Variants in SAMD12 observed in about 807,000 individuals in gnomAD.
SAMD12 encodes the protein sterile alpha motif domain containing 12.
SAMD12 carries 9 observed loss-of-function variants against 15.0 expected under a neutral mutation model. That is an observed-to-expected ratio of 0.60 (90% CI 0.36 to 1.05). SAMD12 has a LOEUF of 1.05. Among genes scored for constraint, SAMD12 ranks in the 50% least tolerant of loss-of-function variants. The pLI is 0.01. For missense variants in SAMD12, 230 were observed against 234.2 expected (o/e 0.98, Z 0.12); for synonymous variants, 86 against 90.1 (o/e 0.96, Z 0.25).
At chr8:118,568,648 A>G (rs970719520) in intron 2 of SAMD12, among the ~76,000 whole-genome samples, 1 of 152,202 alleles carries the variant, frequency 6.6e-6, no homozygotes, top group African/African-American at 2.4e-5. Flanking sequence ...CAAAGCTTTA[A>G]TTTATGGGAC....
chr8:118,316,094 T>C, intron 4 of SAMD12, among the ~76,000 whole-genome samples: 1 of 152,098 alleles, frequency 6.6e-6, no homozygotes, highest in African/African-American at 2.4e-5. Flanking sequence ...TCACATGCTG[T>C]TCGAAGGAAA....
At chr8:118,548,414 CACACA>C (rs765915802) in intron 2 of SAMD12, among the ~76,000 whole-genome samples, 18 of 148,330 alleles carry the variant, frequency 1.2e-4, no homozygotes, top group African/African-American at 4.4e-4. Flanking sequence ...CACACACACA[CACACA>C]CACACCCCAT....
intron 4 of SAMD12, among the ~76,000 whole-genome samples, chr8:118,237,302 GT>G (rs17455036): frequency 0.1 from 15,879 of 152,144 alleles, 1,151 homozygotes; most frequent in African/African-American, 0.19. Context: ...TTACCAAATT[GT>G]TGGGATACAC....
chr8:118,474,030 G>T (rs1823886841), intron 2 of SAMD12, among the ~76,000 whole-genome samples: 1 of 152,122 alleles, frequency 6.6e-6, no homozygotes, highest in Non-Finnish European at 1.5e-5. Context: ...GTGATCCTGG[G>T]TCACTGCAAC....
At chr8:118,515,735 A>G (rs977098287) in intron 2 of SAMD12, among the ~76,000 whole-genome samples, 11 of 152,180 alleles carry the variant, frequency 7.2e-5, no homozygotes, top group Non-Finnish European at 1.6e-4. Context: ...ATTCTGGTAT[A>G]TGAAACCTCC....
intron 4 of SAMD12, among the ~76,000 whole-genome samples, chr8:118,241,676 T>G (rs28370845): frequency 0.011 from 1,673 of 152,272 alleles, 24 homozygotes; most frequent in African/African-American, 0.037. Flanking sequence ...TCACGACATC[T>G]AAGTCAAATC....
At chr8:118,610,384 A>C (rs1445889743) in intron 1 of SAMD12, among the ~76,000 whole-genome samples, 1 of 152,206 alleles carries the variant, frequency 6.6e-6, no homozygotes, top group Non-Finnish European at 1.5e-5. Flanking sequence ...ACTTTGACAG[A>C]CCGGAAAGCA....
chr8:118,323,281 T>C (rs1203735411), intron 4 of SAMD12, among the ~76,000 whole-genome samples: 1 of 152,178 alleles, frequency 6.6e-6, no homozygotes, highest in Admixed American at 6.6e-5. Flanking sequence ...CTATTTATAT[T>C]ATAAATTGTG....
intron 3 of SAMD12, among the ~76,000 whole-genome samples, chr8:118,416,705 A>C (rs4077747): frequency 6.6e-6 from 1 of 151,932 alleles, no homozygotes; most frequent in African/African-American, 2.4e-5. Context: ...ACCCCACTTA[A>C]CCTTATTCAG....
the SAMD12 span, among the ~76,000 whole-genome samples, chr8:118,141,368 C>T: frequency 6.6e-6 from 1 of 152,168 alleles, no homozygotes; most frequent in East Asian, 1.9e-4. Context: ...TGCATGGTCT[C>T]ATTAGAAGTT....
At chr8:118,292,804 A>G (rs1332931483) in intron 4 of SAMD12, among the ~76,000 whole-genome samples, 1 of 151,306 alleles carries the variant, frequency 6.6e-6, no homozygotes, top group Non-Finnish European at 1.5e-5. Context: ...CGCAAGAACA[A>G]AAAACCAAAC....
chr8:118,489,726 T>G (rs1310490002), intron 2 of SAMD12, among the ~76,000 whole-genome samples: 2 of 152,224 alleles, frequency 1.3e-5, no homozygotes, highest in Non-Finnish European at 2.9e-5. Context: ...TAAAACATTT[T>G]TAGCTCGTAA....
intron 2 of SAMD12, among the ~76,000 whole-genome samples, chr8:118,459,954 G>A (rs1413270418): frequency 6.6e-6 from 1 of 152,172 alleles, no homozygotes; most frequent in African/African-American, 2.4e-5. Flanking sequence ...CAATAAAACC[G>A]GGTGATGAGA....
chr8:118,243,888 A>G (rs1331996935), intron 4 of SAMD12, among the ~76,000 whole-genome samples: 1 of 152,124 alleles, frequency 6.6e-6, no homozygotes, highest in Non-Finnish European at 1.5e-5. Flanking sequence ...GAGAGAGAAA[A>G]TGGCACATTG....
chr8:118,164,794 AACC>A, the SAMD12 span, among the ~76,000 whole-genome samples: 1 of 151,848 alleles, frequency 6.6e-6, no homozygotes, highest in South Asian at 2.1e-4. Flanking sequence ...TGAATATTAG[AACC>A]GTTGTCTCTC....
chr8:118,216,569 A>C (rs976925346), intron 4 of SAMD12, among the ~76,000 whole-genome samples: 1 of 152,216 alleles, frequency 6.6e-6, no homozygotes, highest in Admixed American at 6.5e-5. Context: ...TACTCAGAAC[A>C]AGTTCTGTGA....
intron 2 of SAMD12, among the ~76,000 whole-genome samples, chr8:118,570,610 T>TG (rs1826982531): frequency 6.6e-6 from 1 of 152,232 alleles, no homozygotes; most frequent in African/African-American, 2.4e-5. Context: ...AGTCTACCAT[T>TG]GATGGGAATT....
intron 4 of SAMD12, among the ~76,000 whole-genome samples, chr8:118,313,537 T>C (rs1425173824): frequency 1.3e-5 from 2 of 152,090 alleles, no homozygotes; most frequent in Admixed American, 6.6e-5. Flanking sequence ...AAGAAGTATG[T>C]GGAAATTAAC....
intron 2 of SAMD12, among the ~76,000 whole-genome samples, chr8:118,514,865 T>C (rs957519877): frequency 1.3e-5 from 2 of 152,222 alleles, no homozygotes; most frequent in Non-Finnish European, 2.9e-5. Flanking sequence ...TTTGTGTCCC[T>C]GTCCAAATCT....
Sources: gnomAD v4.1 joint callset for allele counts (sites outside exome capture counted in the v4.1 genomes callset) on GRCh38, gnomAD v4.1.1 for gene constraint, MANE v1.5 for transcripts, NCBI Gene and HGNC (gene_info 2026-07-23, HGNC 2026-07-21) for gene names.